TUB: variants seen among roughly 807,000 people sequenced by gnomAD.
TUB encodes the protein tubby protein homolog.
In TUB, 33 loss-of-function variants were observed where a neutral mutation model predicts 59.7. The observed-to-expected ratio is 0.55, with a 90% confidence interval of 0.42 to 0.74. The LOEUF is 0.74. Among genes scored for constraint, TUB ranks in the 30% least tolerant of loss-of-function variants. The pLI, the probability that TUB is intolerant of heterozygous loss-of-function variation, is 0.00. For synonymous variants in TUB, 293 were observed against 256.4 expected, an observed-to-expected ratio of 1.14 and a Z score of -1.36; for missense variants, 659 against 672.0, an observed-to-expected ratio of 0.98 and a Z score of 0.21.
chr11:8,100,819 C>T lies in TUB; in HGVS notation c.1216-7C>T, dbSNP rs146732423. The T allele has an allele frequency of 1.9e-6, 3 of 1,613,412 alleles. No homozygotes were observed. Among genetic ancestry groups the T allele is most frequent in the Admixed American group, 3.3e-5 (2 of 59,998 alleles). ...TGGGCCTGGCTCAGGTGAGGCTGCC[C>T]TCCCAGGAGCATGAGACACTGCTAG... On this transcript the variant is annotated splice_region_variant and splice_polypyrimidine_tract_variant and intron_variant, in intron 10 of 11. Coordinates refer to ENST00000299506, the MANE Select transcript of TUB (RefSeq NM_177972.3).
chr11:8,040,800 G>T (rs1301089491), intron 2 of TUB, among the ~76,000 whole-genome samples: 1 of 152,180 alleles, frequency 6.6e-6, no homozygotes, highest in African/African-American at 2.4e-5. Context: ...CAGCTCATTT[G>T]TCATGTGCAG....
chr11:8,086,084 A>T (rs1943660348), intron 1 of TUB, among the ~76,000 whole-genome samples: 1 of 152,112 alleles, frequency 6.6e-6, no homozygotes, highest in African/African-American at 2.4e-5. Flanking sequence ...CCCCAGCAGG[A>T]GGTGCCCGTG....
Position 8,094,114 on chromosome 11 carries a change from A to G in TUB, c.322A>G (p.Lys108Glu). 1 of 1,614,154 alleles carries G rather than the reference A, an allele frequency of 6.2e-7. No individual in the cohort carries two copies. The highest frequency in any genetic ancestry group is 1.1e-5 in the South Asian group (1 of 91,076). The change falls in exon 4 of 12, where the codon AAG becomes GAG. Residue 108 changes from lysine to glutamate, a missense_variant. Physicochemically the swap from Lys to Glu is moderately conservative, Grantham distance 56. This residue lies in a region of TUB where 321 missense variants were observed against 304.3 expected (regional missense o/e 1.05). Coordinates refer to ENST00000299506, the MANE Select transcript of TUB (RefSeq NM_177972.3). Reference sequence around the variant, plus strand: ...GCGCCCAACAGCACCAGCTTCAGCCAAGAGAACCAAGGCGGCAGCTACAGC... The same window carrying G: ...GCGCCCAACAGCACCAGCTTCAGCCGAGAGAACCAAGGCGGCAGCTACAGC... ...ATRPTAPASA[K>E]RTKAAATAGG...
At chr11:8,098,663 A>G in intron 8 of TUB, 95 bp from the exon 9 acceptor site, 1 of 885,846 alleles carries the variant, frequency 1.1e-6, no homozygotes, top group Non-Finnish European at 1.8e-6. Flanking sequence ...CCAGCCCAGA[A>G]TGTTTTGCAG....
chr11:8,064,968 C>T (rs1050034361), intron 2 of TUB, among the ~76,000 whole-genome samples: 1 of 152,198 alleles, frequency 6.6e-6, no homozygotes, highest in Non-Finnish European at 1.5e-5. Context: ...TTTGTGCAAC[C>T]AAAGGAGGTC....
At chr11:8,093,463 G>T (rs1006435159) in intron 3 of TUB, among the ~76,000 whole-genome samples, 1 of 152,154 alleles carries the variant, frequency 6.6e-6, no homozygotes, top group Non-Finnish European at 1.5e-5. Context: ...TGAGCAGATT[G>T]GGGTTCTGCA....
chr11:8,052,885 C>G (rs1324970176), intron 2 of TUB, among the ~76,000 whole-genome samples: 2 of 152,148 alleles, frequency 1.3e-5, no homozygotes, highest in Non-Finnish European at 2.9e-5. Context: ...TTTATTAATT[C>G]TAATAGTTTT....
chr11:8,024,718 G>A (rs1589917953), intron 1 of TUB, among the ~76,000 whole-genome samples: 3 of 152,218 alleles, frequency 2.0e-5, no homozygotes, highest in African/African-American at 7.2e-5. Flanking sequence ...AACTTCTGAA[G>A]AAGGATTGTT....
rs778747182 is a variant in TUB at position 8,097,301 on chromosome 11, T to C, written c.761T>C (p.Phe254Ser). ...GTTGAGGTCCAGGATCTTGAGGAGT[T>C]TGCACTGAGGCCGGCCCCCCAGGGT... ...VDVEVQDLEE[F>S]ALRPAPQGIT... Residue 254 changes from phenylalanine to serine, a missense_variant, in exon 7 of 12, where the codon TTT becomes TCT. Transcript: ENST00000299506. 10 of 1,613,982 alleles carry C rather than the reference T, an allele frequency of 6.2e-6. No homozygotes were observed. The highest frequency in any genetic ancestry group is 5.9e-6 in the Non-Finnish European group (7 of 1,180,034).
chr11:8,080,923 C>T (rs1943541950), upstream of TUB, among the ~76,000 whole-genome samples: 1 of 152,216 alleles, frequency 6.6e-6, no homozygotes, highest in Non-Finnish European at 1.5e-5. Flanking sequence ...TTTCCCATCC[C>T]ATAGCGCAGA....
rs746976650 is a variant in TUB at position 8,039,636 on chromosome 11, C to T, written c.156-9C>T. The stretch of plus-strand genomic sequence containing the variant: ...GATGTGGAGAGTCACCCCTTCTTTT[C>T]CTCCTCAGGAGAACAACCAGGAGGA... On this transcript the variant is annotated splice_polypyrimidine_tract_variant and intron_variant, in intron 1 of 12. Transcript: ENST00000305253. 1.1e-5 allele frequency: 16 copies of T among 1,483,340 alleles called. No homozygotes were observed. The highest frequency in any genetic ancestry group is 1.3e-5 in the Non-Finnish European group (15 of 1,111,390). The allele number at this position is 1,483,340 out of a possible 1,614,324, so 91.9% of individuals were successfully genotyped here.
Position 8,104,240 on chromosome 11 carries a change from A to G in TUB, c.*2621A>G, listed in dbSNP as rs748907896. On this transcript the variant is annotated 3_prime_UTR_variant, in exon 12 of 12. Coordinates refer to ENST00000299506, the MANE Select transcript of TUB (RefSeq NM_177972.3). The stretch of plus-strand genomic sequence containing the variant: ...TTAATGACAGAATGAGCAGTCCCTA[A>G]TGGTATTGGGCAGTTGGGAGTGAGT... 1 of 152,196 alleles carries G rather than the reference A, an allele frequency of 6.6e-6. No homozygotes were observed. Among genetic ancestry groups the G allele is most frequent in the Non-Finnish European group, 1.5e-5 (1 of 68,058 alleles). 9.4% of individuals were successfully genotyped at this position (152,196 alleles called of 1,614,324 possible).
chr11:8,049,923 G>C, intron 2 of TUB, among the ~76,000 whole-genome samples: 1 of 152,110 alleles, frequency 6.6e-6, no homozygotes. Context: ...AGACAGTCAT[G>C]TTAACACTAC....
At chr11:8,092,617 G>A (rs970952762) in intron 3 of TUB, among the ~76,000 whole-genome samples, 1 of 152,102 alleles carries the variant, frequency 6.6e-6, no homozygotes, top group Non-Finnish European at 1.5e-5. Context: ...GAGTGGGCTG[G>A]GCCTCCACGA....
upstream of TUB, among the ~76,000 whole-genome samples, chr11:8,080,692 C>G (rs546577474): frequency 7.9e-5 from 12 of 152,314 alleles, no homozygotes; most frequent in African/African-American, 2.6e-4. Flanking sequence ...TCCCTTGACG[C>G]TATAGCTTAG....
chr11:8,097,116 G>C, intron 6 of TUB, 112 bp from the exon 7 acceptor site: 1 of 1,242,180 alleles, frequency 8.1e-7, no homozygotes. Flanking sequence ...CCAATCCCAG[G>C]ATCCTTCCCT....
chr11:8,090,516 TTTCA>T (rs1260366084), intron 3 of TUB, among the ~76,000 whole-genome samples: 1 of 152,234 alleles, frequency 6.6e-6, no homozygotes, highest in Non-Finnish European at 1.5e-5. Flanking sequence ...ATCTGGAGCA[TTTCA>T]CTGAGTGCAG....
At chr11:8,081,576 A>T (rs1235175009) in intron 1 of TUB, 28 bp downstream of exon 1, 1 of 1,507,768 alleles carries the variant, frequency 6.6e-7, no homozygotes, top group Admixed American at 2.1e-5. Flanking sequence ...CGGGGCGCCC[A>T]CCACTCCCGA....
intron 1 of TUB, among the ~76,000 whole-genome samples, chr11:8,029,540 C>G (rs1359974698): frequency 6.6e-6 from 1 of 152,070 alleles, no homozygotes; most frequent in African/African-American, 2.4e-5. Context: ...AGGTGCCCAC[C>G]ACAATGCCTG....
Sources: gnomAD v4.1 joint callset for allele counts (sites outside exome capture counted in the v4.1 genomes callset) on GRCh38, gnomAD v4.1.1 for gene constraint, gnomAD v4.1.1 regional missense constraint, MANE v1.5 for transcripts, NCBI Gene and HGNC (gene_info 2026-07-23, HGNC 2026-07-21) for gene names.